TMOD3: variants seen among roughly 807,000 people sequenced by gnomAD.
TMOD3 encodes the protein tropomodulin-3.
Under a neutral mutation model 39.2 loss-of-function variants are expected in TMOD3, and 20 were observed. The ratio of observed to expected loss-of-function variants is 0.51; its 90% CI spans 0.36 to 0.74. The LOEUF is 0.74. Among genes scored for constraint, TMOD3 ranks in the 30% least tolerant of loss-of-function variants. The pLI is 0.00. For missense variants in TMOD3, 381 were observed against 412.8 expected (o/e 0.92, Z 0.67); for synonymous variants, 143 against 145.8 (o/e 0.98, Z 0.14).
At position 51,893,866 on chromosome 15, in the gene TMOD3, C is replaced by T. The variant is rs564925715; in HGVS notation, c.548C>T (p.Pro183Leu). The change falls in exon 6 of 10, where the codon CCA (proline) becomes CTA (leucine). Residue 183 changes from proline (P) to leucine (L), a missense_variant. Physicochemically the swap from Pro to Leu is moderately conservative, Grantham distance 98 (BLOSUM62 -3). Transcript: ENST00000308580. ...CCGGTATTTGATGAGCCACCAAATC[C>T]AACCAATGTAGAAGAGAGTTTGAAG... ...ILPVFDEPPN[P>L]TNVEESLKRT... is the part of the protein sequence containing the mutation. The T allele has an allele frequency of 7.5e-6, 12 of 1,610,234 alleles. 1 individual carries two copies. Among genetic ancestry groups the T allele is most frequent in the Middle Eastern group, 1.7e-4 (1 of 6,028 alleles).
At chr15:51,832,821 G>A (rs562806169) in intron 1 of TMOD3, among the ~76,000 whole-genome samples, 23 of 152,290 alleles carry the variant, frequency 1.5e-4, no homozygotes, top group African/African-American at 5.5e-4. Flanking sequence ...TTTTAGTAAG[G>A]TTTTCTGGTG....
At chr15:51,833,618 A>G (rs1837368216) in intron 1 of TMOD3, among the ~76,000 whole-genome samples, 1 of 152,218 alleles carries the variant, frequency 6.6e-6, no homozygotes, top group Admixed American at 6.5e-5. Context: ...GGAATCATAC[A>G]GCATGTGCTT....
At chr15:51,890,020 G>C (rs2056584225) in intron 5 of TMOD3, among the ~76,000 whole-genome samples, 1 of 151,970 alleles carries the variant, frequency 6.6e-6, no homozygotes, top group Admixed American at 6.6e-5. Context: ...CACCTACCCT[G>C]TTAACAATTT....
At chr15:51,875,776 C>T (rs762898033) in intron 3 of TMOD3, among the ~76,000 whole-genome samples, 4 of 152,016 alleles carry the variant, frequency 2.6e-5, no homozygotes, top group Admixed American at 6.6e-5. Flanking sequence ...CCACCATGCC[C>T]AGCTAATTTT....
At chr15:51,871,075 A>C (rs950918175) in intron 3 of TMOD3, among the ~76,000 whole-genome samples, 1 of 152,214 alleles carries the variant, frequency 6.6e-6, no homozygotes, top group Non-Finnish European at 1.5e-5. Context: ...CCTTCATGAA[A>C]ACGTTTAGAA....
intron 4 of TMOD3, 94 bp from the exon 5 acceptor site, chr15:51,888,962 G>A: frequency 1.4e-6 from 1 of 731,334 alleles, no homozygotes; most frequent in Non-Finnish European, 2.3e-6. Context: ...TATAGGAAAA[G>A]GTCCAGAGGA....
chr15:51,882,148 G>A (rs962902122), intron 3 of TMOD3, among the ~76,000 whole-genome samples: 27 of 151,810 alleles, frequency 1.8e-4, no homozygotes, highest in African/African-American at 3.9e-4. Flanking sequence ...ATCCGCCTCC[G>A]CCTCCCAACG....
intron 3 of TMOD3, among the ~76,000 whole-genome samples, chr15:51,877,539 G>T (rs1358175340): frequency 6.6e-6 from 1 of 152,144 alleles, no homozygotes; most frequent in East Asian, 1.9e-4. Context: ...AATTAGCTGG[G>T]TGTGGTGGCG....
In TMOD3 at chr15:51,854,993, A is replaced by G. The variant is rs137978481; in HGVS notation, c.-74-7818A>G. 4.0e-3 allele frequency among the ~76,000 whole-genome samples: 615 copies of G among 152,348 alleles called. 4 individuals carry two copies. The highest frequency in any genetic ancestry group is 0.014 in the African/African-American group (586 of 41,582). ...TGAAAAGGAAGATGGTAAATGGAAG[A>G]AGACTTGGCCAAAAATATACCAGGA... On this transcript the variant is annotated intron_variant, in intron 1 of 9. Coordinates refer to ENST00000308580, the MANE Select transcript of TMOD3 (RefSeq NM_014547.5).
intron 7 of TMOD3, 59 bp from the exon 8 acceptor site, chr15:51,900,096 C>G: frequency 6.0e-6 from 9 of 1,498,232 alleles, no homozygotes; most frequent in South Asian, 5.9e-5. Context: ...ATGGCATGTA[C>G]AATATGTAGT....
In TMOD3 at chr15:51,895,704, A is replaced by T. The variant is rs192601316; in HGVS notation, c.628-715A>T. 3.8e-3 allele frequency among the ~76,000 whole-genome samples: 574 copies of T among 152,258 alleles called. 1 individual carries two copies. Among genetic ancestry groups the T allele is most frequent in the Admixed American group, 6.1e-3 (93 of 15,296 alleles). ...ATCTCTCTTAGTGCTTTGTAGCTTAAACTAAGTGACTGAGAACAGTCTGTC... is the reference window on the plus strand; with the variant it reads ...ATCTCTCTTAGTGCTTTGTAGCTTATACTAAGTGACTGAGAACAGTCTGTC... On this transcript the variant is annotated intron_variant, in intron 6 of 9. Coordinates refer to ENST00000308580, the MANE Select transcript of TMOD3 (RefSeq NM_014547.5).
At chr15:51,855,951 A>G (rs1566855123) in intron 1 of TMOD3, among the ~76,000 whole-genome samples, 1 of 152,204 alleles carries the variant, frequency 6.6e-6, no homozygotes, top group Non-Finnish European at 1.5e-5. Flanking sequence ...GATAATGGGA[A>G]CATCTGAGGA....
At chr15:51,861,262 C>A (rs1316921177) in intron 1 of TMOD3, 1 of 396,160 alleles carries the variant, frequency 2.5e-6, no homozygotes, top group South Asian at 2.4e-5. Context: ...GGGAGCTGAT[C>A]TTCTTTGTGT....
chr15:51,900,242 CTGAT>C lies in TMOD3; in HGVS notation c.828_831del (p.Ile276MetfsTer3). The stretch of plus-strand genomic sequence containing the variant: ...TATCACGGGAGTTGGGATTCTGGCA[CTGAT>C]TGATGCGTTAAGAGATAATGAAACC... On this transcript the variant is annotated frameshift_variant, in exon 8 of 10. Transcript: ENST00000308580. LOFTEE classifies it high-confidence loss of function. 4 of 1,614,150 alleles carry C rather than the reference CTGAT, an allele frequency of 2.5e-6. No individual in the cohort carries two copies. The South Asian group carries it at 4.4e-5, about 18-fold the overall frequency.
At chr15:51,877,115 T>C (rs1383017286) in intron 3 of TMOD3, among the ~76,000 whole-genome samples, 1 of 152,148 alleles carries the variant, frequency 6.6e-6, no homozygotes, top group African/African-American at 2.4e-5. Flanking sequence ...TTTGAACATA[T>C]GTAATATAAT....
intron 3 of TMOD3, among the ~76,000 whole-genome samples, chr15:51,875,421 G>T (rs1203366515): frequency 1.3e-5 from 2 of 152,118 alleles, no homozygotes; most frequent in Non-Finnish European, 2.9e-5. Context: ...CTCCTTTTCA[G>T]ACCGGTCATG....
At chr15:51,853,093 T>A (rs2056370506) in intron 1 of TMOD3, among the ~76,000 whole-genome samples, 2 of 152,228 alleles carry the variant, frequency 1.3e-5, no homozygotes, top group African/African-American at 4.8e-5. Flanking sequence ...AATTTATTAA[T>A]ATCTAGTGAG....
rs998553792 is a variant in TMOD3 at position 51,910,911 on chromosome 15, C to T, written c.*2101C>T. ...TTAGCAAGGCTCACTTGCTTGCTTT[C>T]TTGCCTCCCTTGCCTCCATCCCTCT... On this transcript the variant is annotated 3_prime_UTR_variant, in exon 10 of 10. Coordinates refer to ENST00000308580, the MANE Select transcript of TMOD3 (RefSeq NM_014547.5). 1 of 152,266 alleles carries T rather than the reference C, an allele frequency of 6.6e-6. No individual in the cohort carries two copies. The highest frequency in any genetic ancestry group is 2.4e-5 in the African/African-American group (1 of 41,460). 9.4% of individuals were successfully genotyped at this position (152,266 alleles called of 1,614,324 possible). A position where few individuals can be genotyped will look rare whatever the true frequency, so the allele number is the denominator to read the frequency against.
intron 3 of TMOD3, among the ~76,000 whole-genome samples, chr15:51,880,706 C>T (rs893984895): frequency 6.6e-6 from 1 of 152,126 alleles, no homozygotes; most frequent in Non-Finnish European, 1.5e-5. Context: ...GTGGATACCA[C>T]GTTTTGTTTA....
Sources: gnomAD v4.1 joint callset for allele counts (sites outside exome capture counted in the v4.1 genomes callset) on GRCh38, gnomAD v4.1.1 for gene constraint, MANE v1.5 for transcripts, NCBI Gene and HGNC (gene_info 2026-07-23, HGNC 2026-07-21) for gene names.